Variants in SCEL observed in about 807,000 individuals in gnomAD.
SCEL encodes sciellin.
SCEL carries 113 observed loss-of-function variants against 117.6 expected under a neutral mutation model. The ratio of observed to expected loss-of-function variants is 0.96; its 90% CI spans 0.83 to 1.12. The LOEUF (loss-of-function observed/expected upper bound fraction) is 1.12, where lower values mean the gene tolerates loss of function less well. Among genes scored for constraint, SCEL ranks in the 50% most tolerant of loss-of-function variants. SCEL has a pLI of 0.00. For missense variants in SCEL, 785 were observed against 810.8 expected (o/e 0.97, Z 0.39); for synonymous variants, 270 against 256.2 (o/e 1.05, Z -0.51).
At chr13:77,612,574 A>G (rs1305159153) in intron 22 of SCEL, among the ~76,000 whole-genome samples, 1 of 146,374 alleles carries the variant, frequency 6.8e-6, no homozygotes, top group Non-Finnish European at 1.5e-5. Flanking sequence ...TCTCTCGTGC[A>G]TTGTAACCTC....
intron 24 of SCEL, 88 bp downstream of exon 24, chr13:77,614,043 T>G: frequency 9.1e-7 from 1 of 1,094,800 alleles, no homozygotes; most frequent in Non-Finnish European, 1.4e-6. Flanking sequence ...TATGGGCAAA[T>G]TGAATATAAA....
intron 9 of SCEL, among the ~76,000 whole-genome samples, chr13:77,582,659 A>G (rs990538112): frequency 6.6e-6 from 1 of 152,198 alleles, no homozygotes; most frequent in Non-Finnish European, 1.5e-5. Context: ...TATTTTTTCC[A>G]GTGTGTGGCT....
chr13:77,610,508 G>A (rs2088576208), intron 22 of SCEL, among the ~76,000 whole-genome samples: 1 of 151,664 alleles, frequency 6.6e-6, no homozygotes, highest in Non-Finnish European at 1.5e-5. Flanking sequence ...AACCAATGAT[G>A]GGACCCAAAT....
rs143966264 is a variant in SCEL at position 77,597,138 on chromosome 13, A to G, written c.753-407A>G. On this transcript the variant is annotated intron_variant, in intron 12 of 32. Transcript: ENST00000349847. ...AAAGTGGGTATTAAGTATCTACTGT[A>G]TGAACACTGTATTAAAACACAGAAG... is the stretch of plus-strand genomic sequence containing the variant. 8.6e-4 allele frequency: 170 copies of G among 196,854 alleles called. 2 individuals are homozygous for G. Among genetic ancestry groups the G allele is most frequent in the African/African-American group, 3.7e-3 (156 of 41,862 alleles). The allele number at this position is 196,854 out of a possible 1,614,324, so 12.2% of individuals were successfully genotyped here.
chr13:77,615,496 G>A (rs1048655683), intron 24 of SCEL, among the ~76,000 whole-genome samples: 15 of 152,184 alleles, frequency 9.9e-5, no homozygotes, highest in South Asian at 6.2e-4. Flanking sequence ...GATTACAATG[G>A]CACAAATGTG....
intron 19 of SCEL, among the ~76,000 whole-genome samples, chr13:77,604,653 G>A (rs1301861244): frequency 6.6e-6 from 1 of 152,102 alleles, no homozygotes; most frequent in African/African-American, 2.4e-5. Context: ...TGGGAATTTG[G>A]GCTGACCTTC....
intron 4 of SCEL, among the ~76,000 whole-genome samples, chr13:77,562,994 T>C (rs1218467565): frequency 6.6e-6 from 1 of 152,202 alleles, no homozygotes; most frequent in East Asian, 1.9e-4. Flanking sequence ...CTTTATATCA[T>C]AGGGTTATAT....
intron 5 of SCEL, among the ~76,000 whole-genome samples, chr13:77,566,863 C>T (rs559339699): frequency 9.9e-5 from 15 of 152,232 alleles, no homozygotes; most frequent in South Asian, 2.1e-4. Context: ...TGGCAGATAA[C>T]GTATCTGCCC....
At chr13:77,576,236 C>A (rs1415381268) in intron 9 of SCEL, among the ~76,000 whole-genome samples, 1 of 152,156 alleles carries the variant, frequency 6.6e-6, no homozygotes, top group East Asian at 1.9e-4. Context: ...TCTGTATGAT[C>A]TTGTGACCCT....
chr13:77,542,404 A>G (rs550380475), intron 1 of SCEL, among the ~76,000 whole-genome samples: 2 of 151,230 alleles, frequency 1.3e-5, no homozygotes, highest in African/African-American at 4.8e-5. Flanking sequence ...CGTCTCAACA[A>G]ACAAACAAAC....
Position 77,589,187 on chromosome 13 carries a change from C to A in SCEL, c.589C>A (p.Pro197Thr). The stretch of plus-strand genomic sequence containing the variant: ...TCCAATACCTCCAAAGCCCAGTTCT[C>A]CTGTTTCTTCTCCTAACCAGCTGAG... ...HPPIPPKPSS[P>T]VSSPNQLRQD... The change falls in exon 10 of 33, where the codon CCT becomes ACT. Residue 197 changes from proline to threonine, a missense_variant. Transcript: ENST00000349847. 6.2e-7 allele frequency: 1 copy of A among 1,613,198 alleles called. No homozygotes were observed. Among genetic ancestry groups the A allele is most frequent in the Non-Finnish European group, 8.5e-7 (1 of 1,179,246 alleles).
rs147582006 is a variant in SCEL, at chr13:77,630,837, T to G, written c.1691+2828T>G. On this transcript the variant is annotated intron_variant, in intron 28 of 32. Transcript: ENST00000349847. ...GATTGGAAATTACAATTCAGCAATT[T>G]GTTTCAATGGAGGATAACTTCCTAA... is the stretch of plus-strand genomic sequence containing the variant. Among the ~76,000 whole-genome samples the G allele has an allele frequency of 3.3e-4, 50 of 152,364 alleles. No individual in the cohort carries two copies. In the East Asian group the frequency reaches 6.2e-3, roughly 19 times the overall value.
chr13:77,570,957 G>A (rs2085569678), intron 8 of SCEL, among the ~76,000 whole-genome samples: 2 of 150,076 alleles, frequency 1.3e-5, no homozygotes, highest in African/African-American at 2.5e-5. Context: ...TCAGCCTCCC[G>A]AGTAGTTGGG....
chr13:77,569,557 TTCCCAAACTTCAGCTCTTTC>T, intron 8 of SCEL, 106 bp downstream of exon 8: 1 of 752,072 alleles, frequency 1.3e-6, no homozygotes, highest in Non-Finnish European at 2.2e-6. Flanking sequence ...CATTCTGCTG[TTCCCAAACTTCAGCTCTTTC>T]CCCCAGCAAT....
chr13:77,586,116 G>C (rs1021409838), intron 9 of SCEL, among the ~76,000 whole-genome samples: 1 of 151,996 alleles, frequency 6.6e-6, no homozygotes, highest in African/African-American at 2.4e-5. Context: ...CTCATTCTTT[G>C]AAGACTTCAG....
intron 9 of SCEL, among the ~76,000 whole-genome samples, chr13:77,582,573 A>C (rs1478150773): frequency 6.6e-6 from 1 of 152,030 alleles, no homozygotes; most frequent in Non-Finnish European, 1.5e-5. Context: ...TGGTTTGTTT[A>C]CTTATTGCTG....
chr13:77,636,556 T>C (rs947803090), intron 29 of SCEL, among the ~76,000 whole-genome samples: 1 of 152,222 alleles, frequency 6.6e-6, no homozygotes, highest in Non-Finnish European at 1.5e-5. Flanking sequence ...AGATTTTATT[T>C]GTCTCCAGGA....
In SCEL at chr13:77,634,460, A is replaced by C. The variant is rs1327379541; in HGVS notation, c.1763+10A>C. On this transcript the variant is annotated intron_variant, in intron 29 of 32. Coordinates refer to ENST00000349847, the MANE Select transcript of SCEL (RefSeq NM_144777.3). ...CATATGTGGAGAATAGGTATTCAAAATTTATTTCAAATATATTGCTTCATT... is the reference window on the plus strand; with the variant it reads ...CATATGTGGAGAATAGGTATTCAAACTTTATTTCAAATATATTGCTTCATT... 3 of 1,581,884 alleles carry C rather than the reference A, an allele frequency of 1.9e-6. No individual in the cohort carries two copies. The South Asian group carries it at 3.3e-5, about 18-fold the overall frequency.
At chr13:77,588,282 A>G (rs1386107266) in intron 9 of SCEL, among the ~76,000 whole-genome samples, 2 of 152,318 alleles carry the variant, frequency 1.3e-5, no homozygotes, top group South Asian at 4.1e-4. Flanking sequence ...ACAGATGAAG[A>G]AACAGAATCA....
Sources: gnomAD v4.1 joint callset for allele counts (sites outside exome capture counted in the v4.1 genomes callset) on GRCh38, gnomAD v4.1.1 for gene constraint, MANE v1.5 for transcripts, NCBI Gene and HGNC (gene_info 2026-07-23, HGNC 2026-07-21) for gene names.